PEBP4: variants seen among roughly 807,000 people sequenced by gnomAD.
PEBP4 encodes the protein phosphatidylethanolamine-binding protein 4.
Under a neutral mutation model 23.9 loss-of-function variants are expected in PEBP4, and 22 were observed. The observed-to-expected ratio is 0.92, with a 90% CI of 0.66 to 1.31. The LOEUF is 1.31. PEBP4 is among the 40% of genes most tolerant of loss of function. PEBP4 has a pLI of 0.00. For synonymous variants in PEBP4, 112 were observed against 99.3 expected, an observed-to-expected ratio of 1.13 and a Z score of -0.76; for missense variants, 324 against 281.7, an observed-to-expected ratio of 1.15 and a Z score of -1.07.
intron 4 of PEBP4, among the ~76,000 whole-genome samples, chr8:22,755,532 T>C (rs12682633): frequency 0.19 from 29,140 of 151,812 alleles, 3,176 homozygotes; most frequent in East Asian, 0.51. Flanking sequence ...GATGGGGTTC[T>C]ACCATGTTGG....
chr8:22,826,681 T>C (rs1192078213), intron 3 of PEBP4, among the ~76,000 whole-genome samples: 1 of 152,216 alleles, frequency 6.6e-6, no homozygotes, highest in African/African-American at 2.4e-5. Context: ...TTTATTTTTA[T>C]AGAAGAAGGA....
At chr8:22,793,490 A>G (rs12545388) in intron 4 of PEBP4, among the ~76,000 whole-genome samples, 52,201 of 145,774 alleles carry the variant, frequency 0.36, 9,589 homozygotes, top group Middle Eastern at 0.45. Flanking sequence ...CATGTTGGCC[A>G]GGCTGGTCTC....
upstream of PEBP4, among the ~76,000 whole-genome samples, chr8:22,929,384 A>G (rs1405971944): frequency 6.6e-6 from 1 of 152,218 alleles, no homozygotes; most frequent in East Asian, 1.9e-4. Context: ...AATGGCATCC[A>G]CTAGAGAAGT....
At chr8:22,811,417 G>A (rs1410982533) in intron 4 of PEBP4, among the ~76,000 whole-genome samples, 1 of 152,196 alleles carries the variant, frequency 6.6e-6, no homozygotes, top group African/African-American at 2.4e-5. Flanking sequence ...CCGCTTTGTA[G>A]CAACATTTTA....
At chr8:22,796,610 G>A (rs1806265396) in intron 4 of PEBP4, among the ~76,000 whole-genome samples, 1 of 152,134 alleles carries the variant, frequency 6.6e-6, no homozygotes, top group South Asian at 2.1e-4. Context: ...GCATACCAAG[G>A]AAGAGCTATA....
At chr8:22,929,880 A>AT (rs1405486583), upstream of PEBP4, among the ~76,000 whole-genome samples, 3 of 152,016 alleles carry the variant, frequency 2.0e-5, no homozygotes, top group Non-Finnish European at 4.4e-5. Context: ...TAATTTTTGT[A>AT]TTTTTTGTAG....
rs186278369 is a variant in PEBP4, at chr8:22,857,872, A to C, written c.259-40137T>G. Among the ~76,000 whole-genome samples the C allele has an allele frequency of 3.6e-3, 546 of 152,310 alleles. 1 individual carries two copies. The highest frequency in any genetic ancestry group is 5.7e-3 in the Non-Finnish European group (391 of 68,010). On this transcript the variant is annotated intron_variant, in intron 3 of 6. Coordinates refer to ENST00000256404, the MANE Select transcript of PEBP4 (RefSeq NM_144962.3). Reference sequence around the variant, plus strand: ...GGGGCAAGGGATGGGGAGCAAGAGGAGAGCTGTCCATGAGAACTACCTGCA... The same window carrying C: ...GGGGCAAGGGATGGGGAGCAAGAGGCGAGCTGTCCATGAGAACTACCTGCA...
chr8:22,850,726 T>G (rs1409040413), intron 3 of PEBP4, among the ~76,000 whole-genome samples: 1 of 152,112 alleles, frequency 6.6e-6, no homozygotes, highest in Non-Finnish European at 1.5e-5. Context: ...TGAAATGAAA[T>G]CCGGATGTAT....
At chr8:22,903,730 G>A (rs1002765707) in intron 3 of PEBP4, among the ~76,000 whole-genome samples, 1 of 152,210 alleles carries the variant, frequency 6.6e-6, no homozygotes, top group Non-Finnish European at 1.5e-5. Flanking sequence ...CTAGAGCTCC[G>A]AGAAGCATTC....
rs2128761919 is a variant in PEBP4, at chr8:22,817,887, C to A, written c.259-152G>T. Reference sequence around the variant, plus strand: ...GTTTATCCTTGCTCTCGTGACATCCCTCTCACATCACGTTTATTCTCAGAG... The same window carrying A: ...GTTTATCCTTGCTCTCGTGACATCCATCTCACATCACGTTTATTCTCAGAG... On this transcript the variant is annotated intron_variant, in intron 3 of 6. Transcript: ENST00000256404. 8.9e-6 allele frequency: 6 copies of A among 671,024 alleles called. No individual in the cohort carries two copies. The East Asian group carries it at 1.6e-4, about 18-fold the overall frequency. The allele number at this position is 671,024 out of a possible 1,614,324, so 41.6% of individuals were successfully genotyped here.
intron 6 of PEBP4, among the ~76,000 whole-genome samples, chr8:22,721,641 T>C (rs574173817): frequency 2.6e-4 from 40 of 152,122 alleles, no homozygotes; most frequent in South Asian, 1.0e-3. Context: ...CCCTCGAGTC[T>C]CTAGAAGCTT....
At chr8:22,869,546 GT>G (rs1264179538) in intron 3 of PEBP4, among the ~76,000 whole-genome samples, 1 of 152,170 alleles carries the variant, frequency 6.6e-6, no homozygotes, top group Non-Finnish European at 1.5e-5. Context: ...AGCTGCTCTT[GT>G]TTTGGGCACC....
intron 6 of PEBP4, among the ~76,000 whole-genome samples, chr8:22,714,164 C>G (rs73551855): frequency 0.044 from 6,670 of 152,282 alleles, 184 homozygotes; most frequent in African/African-American, 0.063. Context: ...GAAACCCAGA[C>G]GGTGCCCAGG....
intron 3 of PEBP4, chr8:22,896,341 A>G (rs896731835): frequency 2.6e-5 from 4 of 152,124 alleles, no homozygotes; most frequent in African/African-American, 9.7e-5. Flanking sequence ...CCTTTAACCG[A>G]TAGTTGCAGT....
chr8:22,858,360 T>C (rs934085892), intron 3 of PEBP4, among the ~76,000 whole-genome samples: 25 of 152,230 alleles, frequency 1.6e-4, no homozygotes, highest in African/African-American at 5.3e-4. Flanking sequence ...TTAACCCTTA[T>C]CATCAATCTC....
chr8:22,860,038 G>C (rs1359674113), intron 3 of PEBP4, among the ~76,000 whole-genome samples: 3 of 148,438 alleles, frequency 2.0e-5, no homozygotes, highest in African/African-American at 7.5e-5. Context: ...GACCTCTTGA[G>C]CCCAGCAGTC....
chr8:22,805,876 T>A (rs1563222033), intron 4 of PEBP4, among the ~76,000 whole-genome samples: 1 of 138,710 alleles, frequency 7.2e-6, no homozygotes, highest in Non-Finnish European at 1.5e-5. Context: ...GCTAAGCACA[T>A]GCTGAATGAA....
At chr8:22,927,337 C>T (rs895174453) in intron 2 of PEBP4, among the ~76,000 whole-genome samples, 1 of 152,078 alleles carries the variant, frequency 6.6e-6, no homozygotes. Context: ...CAAGCAGAGC[C>T]GACCACATAC....
intron 4 of PEBP4, among the ~76,000 whole-genome samples, chr8:22,760,131 C>G (rs779649898): frequency 5.1e-4 from 77 of 152,242 alleles, no homozygotes; most frequent in Non-Finnish European, 9.8e-4. Context: ...TGCTAGGCAC[C>G]TCACTGCATT....
Sources: allele counts gnomAD v4.1 joint callset (sites outside exome capture counted in the v4.1 genomes callset), GRCh38; gene constraint gnomAD v4.1.1; transcripts MANE v1.5; gene names NCBI Gene and HGNC (gene_info 2026-07-23, HGNC 2026-07-21).